The following MXRA5 variants were observed in gnomAD, a reference collection of about 807,000 sequenced individuals.
MXRA5 encodes the protein matrix remodeling associated 5.
A neutral mutation model predicts 112.5 loss-of-function variants in MXRA5; 41 were observed. The observed-to-expected ratio is 0.36, with a 90% confidence interval of 0.28 to 0.47. The LOEUF (loss-of-function observed/expected upper bound fraction) is 0.47, where lower values mean the gene tolerates loss of function less well. MXRA5 is among the 20% of genes least tolerant of loss of function. The pLI is 0.99. For missense variants in MXRA5, 2,150 were observed against 2,251.0 expected (o/e 0.96, Z 0.91); for synonymous variants, 862 against 900.8 (o/e 0.96, Z 0.77).
At chrX:3,338,878 T>G (rs1469802838) in intron 2 of MXRA5, among the ~76,000 whole-genome samples, 3 of 109,281 alleles carry the variant, frequency 2.7e-5, no homozygotes, top group Non-Finnish European at 5.7e-5. Flanking sequence ...GGTAGAGAGA[T>G]AGATTTGTTG....
At chrX:3,318,142 T>C (rs1308045550) in intron 5 of MXRA5, 139 bp from the exon 6 acceptor site, 2 of 491,916 alleles carry the variant, frequency 4.1e-6, no homozygotes, top group East Asian at 8.0e-5. Flanking sequence ...AATGTTTTAG[T>C]GTTTTTAAAA....
chrX:3,317,521 G>C lies in MXRA5; in HGVS notation c.6160C>G (p.Leu2054Val), dbSNP rs1392660977. The change falls in exon 6 of 7, where the codon CTG (leucine) becomes GTG (valine). Residue 2054 changes from leucine (L) to valine (V), a missense_variant. Physicochemically the swap from Leu to Val is conservative, Grantham distance 32 (BLOSUM62 1). This residue lies in a region of MXRA5 where 1,485 missense variants were observed against 1,471.6 expected (regional missense o/e 1.01). Coordinates refer to ENST00000217939, the MANE Select transcript of MXRA5 (RefSeq NM_015419.4). Reference sequence around the variant, plus strand: ...CCCGGGGGCAGCGAGATGTTCTCCAGCTTCTCCTGGTGGATAACGGGGGGC... The same window carrying C: ...CCCGGGGGCAGCGAGATGTTCTCCACCTTCTCCTGGTGGATAACGGGGGGC... The part of the protein sequence containing the change: ...ALPPVIHQEK[L>V]ENISLPPGLS... 4.2e-6 allele frequency: 5 copies of C among 1,204,353 alleles called. No homozygotes were observed. In the Admixed American group the frequency reaches 1.1e-4, roughly 27 times the overall value.
At position 3,321,240 on chromosome X, in the gene MXRA5, G is replaced by A; in HGVS notation, c.4445C>T (p.Thr1482Ile). The change falls in exon 5 of 7, where the codon ACC becomes ATC. Residue 1482 changes from threonine (T) to isoleucine (I), a missense_variant. Thr to Ile is a moderately conservative substitution (Grantham distance 89, BLOSUM62 -1). Around this residue, in one of 6 missense-constraint regions of MXRA5, gnomAD observed 1,485 missense variants for 1,471.6 expected, o/e 1.01. Coordinates refer to ENST00000217939, the MANE Select transcript of MXRA5 (RefSeq NM_015419.4). ...LLSETRPQNH[T>I]PTAARMKEPA... The stretch of plus-strand genomic sequence containing the variant: ...CTCCTTCATCCGGGCAGCAGTAGGG[G>A]TGTGATTCTGTGGTCTAGTTTCAGA... 8.3e-7 allele frequency: 1 copy of A among 1,211,393 alleles called. No homozygotes were observed. The highest frequency in any genetic ancestry group is 1.1e-6 in the Non-Finnish European group (1 of 895,317).
intron 2 of MXRA5, among the ~76,000 whole-genome samples, chrX:3,341,086 CATA>C (rs1313283438): frequency 3.0e-4 from 3 of 9,888 alleles, no homozygotes; most frequent in Admixed American, 1.4e-3. Flanking sequence ...TTATATTATA[CATA>C]ATATGTTATA....
At chrX:3,314,195 C>T (rs750749021) in intron 6 of MXRA5, among the ~76,000 whole-genome samples, 3 of 112,115 alleles carry the variant, frequency 2.7e-5, no homozygotes, top group East Asian at 2.8e-4. Flanking sequence ...TTTTTTGAAA[C>T]GCTTATTAAA....
chrX:3,325,944 TAATTTATAATATATAATTTATAATTATA>T (rs1434483975), intron 4 of MXRA5, among the ~76,000 whole-genome samples: 15 of 92,445 alleles, frequency 1.6e-4, no homozygotes, highest in African/African-American at 5.2e-4. Context: ...TTTATAATTG[TAATTTATAATATATAATTTATAATTATA>T]AATTTATAAT....
In MXRA5 at chrX:3,323,465, C is replaced by G. The variant is rs1165178660; in HGVS notation, c.2220G>C (p.Gly740=). The change falls in exon 5 of 7, where the codon GGG becomes GGC. Residue 740 remains glycine, a synonymous_variant. Transcript: ENST00000217939. The part of the protein sequence containing the change: ...AINGDKKAKK[G]RRKLKLWKHS... ...GCTTCCAGAGTTTCAGCTTTCTTCT[C>G]CCTTTCTTGGCTTTCTTGTCTCCAT... 2.5e-6 allele frequency: 3 copies of G among 1,211,950 alleles called. No homozygotes were observed. Among genetic ancestry groups the G allele is most frequent in the Middle Eastern group, 2.3e-4 (1 of 4,355 alleles).
At chrX:3,329,431 A>G (rs746316754) in intron 4 of MXRA5, among the ~76,000 whole-genome samples, 689 of 41,121 alleles carry the variant, frequency 0.017, 7 homozygotes, top group African/African-American at 0.044. Context: ...GAAGGAGGGA[A>G]GGAAGGAAGG....
Position 3,323,898 on chromosome X carries a change from G to A in MXRA5, c.1787C>T (p.Thr596Ile). Reference protein sequence around the residue: ...TIGKNPGESVTLPCNALAIPE... With the variant: ...TIGKNPGESVILPCNALAIPE... Reference sequence around the variant, plus strand: ...TATTGCTAAAGCATTGCAAGGCAATGTCACCGACTCCCCTGGGTTCTTGCC... The same window carrying A: ...TATTGCTAAAGCATTGCAAGGCAATATCACCGACTCCCCTGGGTTCTTGCC... Residue 596 changes from threonine (T) to isoleucine (I), a missense_variant, in exon 5 of 7, where the codon ACA (threonine) becomes ATA (isoleucine). By Grantham distance (89) the Thr-to-Ile change is moderately conservative. This residue lies in a region of MXRA5 where 1,485 missense variants were observed against 1,471.6 expected (regional missense o/e 1.01). Coordinates refer to ENST00000217939, the MANE Select transcript of MXRA5 (RefSeq NM_015419.4). The A allele has an allele frequency of 8.3e-7, 1 of 1,208,066 alleles. No individual in the cohort carries two copies. The highest frequency in any genetic ancestry group is 1.1e-6 in the Non-Finnish European group (1 of 893,543).
At chrX:3,327,905 A>T (rs1467251862) in intron 4 of MXRA5, among the ~76,000 whole-genome samples, 1 of 113,215 alleles carries the variant, frequency 8.8e-6, no homozygotes, top group Admixed American at 9.3e-5. Context: ...AGATGTACAC[A>T]CATGTGCACA....
intron 2 of MXRA5, among the ~76,000 whole-genome samples, chrX:3,332,666 A>T (rs1921695266): frequency 8.9e-6 from 1 of 112,543 alleles, no homozygotes; most frequent in Admixed American, 9.4e-5. Context: ...ATAGTAGAAG[A>T]TGATCCTATT....
rs777337988 is a variant in MXRA5 at position 3,311,314 on chromosome X, G to A, written c.6889C>T (p.Arg2297Cys). The change falls in exon 7 of 7, where the codon CGC (arginine) becomes TGC (cysteine). Residue 2297 changes from arginine (R) to cysteine (C), a missense_variant. Arg to Cys is a radical substitution (Grantham distance 180). Transcript: ENST00000217939. ...TTGAAGACGACATAGCGCTTGGTGC[G>A]TCCACCGCTGTCATCCGACTGCATG... ...SFMQSDDSGG[R>C]TKRYVVFNNG... 5.3e-5 allele frequency: 64 copies of A among 1,210,071 alleles called. No homozygotes were observed. In the East Asian group the frequency reaches 8.0e-4, roughly 15 times the overall value.
At position 3,346,503 on chromosome X, in the gene MXRA5, C is replaced by G; in HGVS notation, c.-29+12G>C. ...GCAGCCCTGGGGCGCCCTGGCCACC[C>G]TGGGTCCTCACCTGTCCTTGGGAAG... On this transcript the variant is annotated intron_variant, in intron 1 of 6. Transcript: ENST00000217939. 2 of 754,760 alleles carry G rather than the reference C, an allele frequency of 2.6e-6. No individual in the cohort carries two copies. The allele number at this position is 754,760 out of a possible 1,213,427, so 62.2% of individuals were successfully genotyped here.
At position 3,322,745 on chromosome X, in the gene MXRA5, T is replaced by C; in HGVS notation, c.2940A>G (p.Pro980=). 2.5e-6 allele frequency: 3 copies of C among 1,211,601 alleles called. No homozygotes were observed. The highest frequency in any genetic ancestry group is 3.4e-6 in the Non-Finnish European group (3 of 895,462). Residue 980 remains proline (P), a synonymous_variant, in exon 5 of 7, where the codon CCA becomes CCG. Coordinates refer to ENST00000217939, the MANE Select transcript of MXRA5 (RefSeq NM_015419.4). ...CTGGTTGTGACTTAGTCTCCAAATC[T>C]GGGTCAAAGTATTGCATGGGCTCAG... ...AESEPMQYFD[P]DLETKSQPDE... is the part of the protein sequence containing the mutation.
At chrX:3,327,194 G>T (rs1362277900) in intron 4 of MXRA5, among the ~76,000 whole-genome samples, 1 of 69,415 alleles carries the variant, frequency 1.4e-5, no homozygotes, top group Non-Finnish European at 2.7e-5. Flanking sequence ...CTCCTAACTG[G>T]CTTTGCCATC....
rs750352033 is a variant in MXRA5, at chrX:3,321,994, G to A, written c.3691C>T (p.Arg1231Trp). The change falls in exon 5 of 7, where the codon CGG (arginine) becomes TGG (tryptophan). Residue 1231 changes from arginine (R) to tryptophan (W), a missense_variant. Arg to Trp is a moderately radical substitution (Grantham distance 101). Coordinates refer to ENST00000217939, the MANE Select transcript of MXRA5 (RefSeq NM_015419.4). ...TTTGGCCTCTTCCCGTGTTTTCTCC[G>A]TGGTGTTCCCTTGGATGTGGGTTCT... is the stretch of plus-strand genomic sequence containing the variant. ...NAEPTSKGTPRRKHGKRPNKH... is the reference protein window; with the variant it reads ...NAEPTSKGTPWRKHGKRPNKH... 4.4e-5 allele frequency: 53 copies of A among 1,209,622 alleles called. No individual in the cohort carries two copies. Among genetic ancestry groups the A allele is most frequent in the Non-Finnish European group, 5.0e-5 (45 of 895,156 alleles).
chrX:3,322,047 G>A lies in MXRA5; in HGVS notation c.3638C>T (p.Pro1213Leu). The change falls in exon 5 of 7, where the codon CCC (proline) becomes CTC (leucine). Residue 1213 changes from proline to leucine, a missense_variant. By Grantham distance (98) the Pro-to-Leu change is moderately conservative. Around this residue, in one of 6 missense-constraint regions of MXRA5, gnomAD observed 1,485 missense variants for 1,471.6 expected, o/e 1.01. Transcript: ENST00000217939. ...TAWVDNTVNT[P>L]KQLEMEKNAE... ...ATTCTTCTCCATTTCCAACTGTTTG[G>A]GGGTATTAACTGTGTTATCCACCCA... 1 of 1,211,018 alleles carries A rather than the reference G, an allele frequency of 8.3e-7. No homozygotes were observed.
rs1352352488 is a variant in MXRA5 at position 3,321,878 on chromosome X, A to G, written c.3807T>C (p.Val1269=). Residue 1269 remains valine (V), a synonymous_variant, in exon 5 of 7, where the codon GTT becomes GTC. Coordinates refer to ENST00000217939, the MANE Select transcript of MXRA5 (RefSeq NM_015419.4). ...AAAGTATAGTTTCTGAACTGGGAGT[A>G]ACAATGTTTCTATGTTTATTTTCTG... ...PSPENKHRNI[V]TPSSETILLP... The G allele has an allele frequency of 8.3e-7, 1 of 1,209,323 alleles. No homozygotes were observed. Among genetic ancestry groups the G allele is most frequent in the Admixed American group, 2.2e-5 (1 of 45,636 alleles).
intron 2 of MXRA5, among the ~76,000 whole-genome samples, chrX:3,336,137 T>C (rs1921780083): frequency 8.9e-6 from 1 of 112,034 alleles, no homozygotes; most frequent in African/African-American, 3.2e-5. Context: ...GAACTGTGTG[T>C]GCAAGGGATC....
Sources: gnomAD v4.1 joint callset for allele counts (sites outside exome capture counted in the v4.1 genomes callset) on GRCh38, gnomAD v4.1.1 for gene constraint, gnomAD v4.1.1 regional missense constraint, MANE v1.5 for transcripts, NCBI Gene and HGNC (gene_info 2026-07-23, HGNC 2026-07-21) for gene names.